RAB8A: variants seen among roughly 807,000 people sequenced by gnomAD.
RAB8A encodes the protein ras-related protein Rab-8A.
A neutral mutation model predicts 29.2 loss-of-function variants in RAB8A; 5 were observed. That is an observed-to-expected ratio of 0.17 (90% confidence interval 0.09 to 0.36). RAB8A has a LOEUF of 0.36. RAB8A is among the 10% of genes least tolerant of loss of function. The pLI, the probability that RAB8A is intolerant of heterozygous loss-of-function variation, is 1.00. For missense variants in RAB8A, 171 were observed against 272.2 expected (o/e 0.63, Z 2.62); for synonymous variants, 108 against 99.9 (o/e 1.08, Z -0.49).
intron 7 of RAB8A, among the ~76,000 whole-genome samples, 200 bp downstream of exon 7, chr19:16,129,804 C>A (rs1259851206): frequency 6.6e-6 from 1 of 152,148 alleles, no homozygotes; most frequent in African/African-American, 2.4e-5. Context: ...GGGACGCTGC[C>A]CAAGCAGACA....
intron 1 of RAB8A, among the ~76,000 whole-genome samples, chr19:16,113,629 T>C (rs1214857986): frequency 6.6e-6 from 1 of 152,208 alleles, no homozygotes; most frequent in East Asian, 1.9e-4. Context: ...CTCGAACTCC[T>C]GACCTTGTGA....
chr19:16,121,882 A>T, intron 3 of RAB8A, 72 bp downstream of exon 3: 1 of 1,435,414 alleles, frequency 7.0e-7, no homozygotes, highest in South Asian at 1.2e-5. Context: ...TGCATTGGTT[A>T]CCGAAGCCTA....
At position 16,125,175 on chromosome 19, in the gene RAB8A, A is replaced by G; in HGVS notation, c.247-295A>G. 2.0e-6 allele frequency: 1 copy of G among 497,672 alleles called. No homozygotes were observed. 30.8% of individuals were successfully genotyped at this position (497,672 alleles called of 1,614,324 possible). A position where few individuals can be genotyped will look rare whatever the true frequency, so the allele number is the denominator to read the frequency against. ...CACCCCGTGGGCCATGAGGGGAGCC[A>G]GCCGGGCTTGTCAGCGAGTGCGTGG... On this transcript the variant is annotated intron_variant, in intron 3 of 7. Transcript: ENST00000300935. This position sits in a 1 kb window ranked among gnomAD's most constrained non-coding sequence, Gnocchi z 5.0.
At chr19:16,124,717 C>CG (rs992445200) in intron 3 of RAB8A, 7 of 134,386 alleles carry the variant, frequency 5.2e-5, no homozygotes, top group Non-Finnish European at 1.1e-4. Context: ...GTTAGCCCCC[C>CG]CCCGCCCCCC....
Position 16,121,411 on chromosome 19 carries a change from C to T in RAB8A, c.186-339C>T, listed in dbSNP as rs140398998. On this transcript the variant is annotated intron_variant, in intron 2 of 7. Transcript: ENST00000300935. The stretch of plus-strand genomic sequence containing the variant: ...CTGAAAGCTTTTCCTGAGTCCCAGC[C>T]ACCCTCAACAGCAAGAGCTATGTTC... Among the ~76,000 whole-genome samples the T allele has an allele frequency of 1.1e-4, 16 of 152,248 alleles. No homozygotes were observed. The East Asian group carries it at 2.7e-3, about 26-fold the overall frequency.
rs762895608 is a variant in RAB8A at position 16,125,523 on chromosome 19, G to A, written c.300G>A (p.Arg100=). Residue 100 remains arginine (R), a synonymous_variant, in exon 4 of 8, where the codon CGG becomes CGA. Coordinates refer to ENST00000300935, the MANE Select transcript of RAB8A (RefSeq NM_005370.5). The surrounding 1 kb of genome is among the most constrained non-coding windows in gnomAD (Gnocchi z 5.0). ...ACGAGAAGTCCTTCGACAACATCCG[G>A]AACTGGATTCGCAACATTGAGGAGG... is the stretch of plus-strand genomic sequence containing the variant. ...ITNEKSFDNI[R]NWIRNIEEHA... 3.7e-6 allele frequency: 6 copies of A among 1,614,072 alleles called. No individual in the cohort carries two copies. Among genetic ancestry groups the A allele is most frequent in the Admixed American group, 1.7e-5 (1 of 60,016 alleles).
rs1450805719 is a variant in RAB8A at position 16,132,367 on chromosome 19, C to T, written c.*63C>T. 1 of 1,515,378 alleles carries T rather than the reference C, an allele frequency of 6.6e-7. No homozygotes were observed. The highest frequency in any genetic ancestry group is 9.0e-7 in the Non-Finnish European group (1 of 1,105,888). 93.9% of individuals were successfully genotyped at this position (1,515,378 alleles called of 1,614,324 possible). A position where few individuals can be genotyped will look rare whatever the true frequency, so the allele number is the denominator to read the frequency against. On this transcript the variant is annotated 3_prime_UTR_variant, in exon 8 of 8. Coordinates refer to ENST00000300935, the MANE Select transcript of RAB8A (RefSeq NM_005370.5). This position sits in a 1 kb window ranked among gnomAD's most constrained non-coding sequence, Gnocchi z 5.6. ...TGACTGTGCCTGTTCTGAGTGAGCC[C>T]CTCACTCAGCCGGGGCCCTCCCACC...
intron 1 of RAB8A, chr19:16,112,358 T>C (rs1180068748): frequency 1.1e-5 from 3 of 284,528 alleles, no homozygotes; most frequent in Admixed American, 4.8e-5. Context: ...TTTGAGGCTC[T>C]TGCCTTACAG....
At chr19:16,117,783 T>C (rs1365569361) in intron 1 of RAB8A, among the ~76,000 whole-genome samples, 1 of 151,994 alleles carries the variant, frequency 6.6e-6, no homozygotes, top group Non-Finnish European at 1.5e-5. Flanking sequence ...ATGAATAGCA[T>C]GTACAAAAGC....
At chr19:16,120,696 C>T (rs886156111) in intron 2 of RAB8A, among the ~76,000 whole-genome samples, 9 of 151,716 alleles carry the variant, frequency 5.9e-5, no homozygotes, top group African/African-American at 2.2e-4. Context: ...CTGCAACCTC[C>T]ACCTCCCAGG....
chr19:16,128,065 G>A lies in RAB8A; in HGVS notation c.454G>A (p.Ala152Thr), dbSNP rs1164220285. Residue 152 changes from alanine to threonine, a missense_variant, in exon 6 of 8, where the codon GCG (alanine) becomes ACG (threonine). This residue lies in a region of RAB8A where 145 missense variants were observed against 212.8 expected (regional missense o/e 0.68). Transcript: ENST00000300935. Reference sequence around the variant, plus strand: ...TGGAATCAAGTTCATGGAGACCAGCGCGAAGGCCAACATCAATGTGGAAAA... The same window carrying A: ...TGGAATCAAGTTCATGGAGACCAGCACGAAGGCCAACATCAATGTGGAAAA... Reference protein sequence around the residue: ...DYGIKFMETSAKANINVENAF... With the variant: ...DYGIKFMETSTKANINVENAF... 6.2e-7 allele frequency: 1 copy of A among 1,614,130 alleles called. No homozygotes were observed. The highest frequency in any genetic ancestry group is 1.7e-5 in the Admixed American group (1 of 60,014).
Position 16,125,799 on chromosome 19 carries a change from CATGGTTATAAGAGA to C in RAB8A, c.324+254_324+267del, listed in dbSNP as rs2144993292. ...CTAGGCTGTTGGATCTGGCCAGTGT[CATGGTTATAAGAGA>C]AAGGATATCCAAGCTTGTGGTCACC... On this transcript the variant is annotated intron_variant, in intron 4 of 7. Coordinates refer to ENST00000300935, the MANE Select transcript of RAB8A (RefSeq NM_005370.5). This position sits in a 1 kb window ranked among gnomAD's most constrained non-coding sequence, Gnocchi z 5.0. 1.6e-6 allele frequency: 1 copy of C among 623,714 alleles called. No homozygotes were observed. The highest frequency in any genetic ancestry group is 1.8e-5 in the African/African-American group (1 of 55,274). 38.6% of individuals were successfully genotyped at this position (623,714 alleles called of 1,614,324 possible).
At position 16,125,419 on chromosome 19, in the gene RAB8A, C is replaced by T. The variant is rs764352079; in HGVS notation, c.247-51C>T. ...GTTCTCTGGTGCCGCTGAGGCCTCC[C>T]TTCCAGAGCCTGCAGCCGATCAGGC... On this transcript the variant is annotated intron_variant, in intron 3 of 7. Transcript: ENST00000300935. This position sits in a 1 kb window ranked among gnomAD's most constrained non-coding sequence, Gnocchi z 5.0. 17 of 1,537,386 alleles carry T rather than the reference C, an allele frequency of 1.1e-5. No homozygotes were observed. The highest frequency in any genetic ancestry group is 2.3e-5 in the East Asian group (1 of 43,968).
rs933292905 is a variant in RAB8A at position 16,122,340 on chromosome 19, G to A, written c.246+530G>A. 1.3e-5 allele frequency among the ~76,000 whole-genome samples: 2 copies of A among 152,178 alleles called. No individual in the cohort carries two copies. The highest frequency in any genetic ancestry group is 2.9e-5 in the Non-Finnish European group (2 of 68,040). ...CAGGCCTTAACTAGATGCAGAAGGCGGCCAGGGATGGGACGAGGTCCTGTG... is the reference window on the plus strand; with the variant it reads ...CAGGCCTTAACTAGATGCAGAAGGCAGCCAGGGATGGGACGAGGTCCTGTG... On this transcript the variant is annotated intron_variant, in intron 3 of 7. Coordinates refer to ENST00000300935, the MANE Select transcript of RAB8A (RefSeq NM_005370.5). The surrounding 1 kb of genome is among the most constrained non-coding windows in gnomAD (Gnocchi z 4.7).
chr19:16,127,632 C>G lies in RAB8A; in HGVS notation c.414+106C>G, dbSNP rs1425171751. 45 of 910,484 alleles carry G rather than the reference C, an allele frequency of 4.9e-5. No individual in the cohort carries two copies. The allele number at this position is 910,484 out of a possible 1,614,324, so 56.4% of individuals were successfully genotyped here. The stretch of plus-strand genomic sequence containing the variant: ...CCCCAGGGGCCTGAGACGAGTTGGT[C>G]ACCCCAGTGGGGCACGTGCCATGGG... On this transcript the variant is annotated intron_variant, in intron 5 of 7. Coordinates refer to ENST00000300935, the MANE Select transcript of RAB8A (RefSeq NM_005370.5). This position sits in a 1 kb window ranked among gnomAD's most constrained non-coding sequence, Gnocchi z 4.8.
rs774443910 is a variant in RAB8A at position 16,111,934 on chromosome 19, G to T, written c.33G>T (p.Leu11=). 6.2e-7 allele frequency: 1 copy of T among 1,613,938 alleles called. No individual in the cohort carries two copies. Among genetic ancestry groups the T allele is most frequent in the African/African-American group, 1.3e-5 (1 of 74,936 alleles). MAKTYDYLFK[L]LLIGDSGVGK... ...AGACCTACGATTACCTGTTCAAGCTGCTGCTGATCGGGGACTCGGGGGTGG... is the reference window on the plus strand; with the variant it reads ...AGACCTACGATTACCTGTTCAAGCTTCTGCTGATCGGGGACTCGGGGGTGG... Residue 11 remains leucine, a synonymous_variant, in exon 1 of 8, where the codon CTG becomes CTT. Coordinates refer to ENST00000300935, the MANE Select transcript of RAB8A (RefSeq NM_005370.5).
chr19:16,120,701 C>T (rs1025659138), intron 2 of RAB8A, among the ~76,000 whole-genome samples: 1 of 151,618 alleles, frequency 6.6e-6, no homozygotes, highest in Admixed American at 6.6e-5. Flanking sequence ...ACCTCCACCT[C>T]CCAGGTTCAA....
In RAB8A at chr19:16,122,800, T is replaced by C. The variant is rs2090880924; in HGVS notation, c.246+990T>C. ...CTCATGGCAACCCACTCGTGTGGGC[T>C]GCAGCCTTAGTGTGCCTCAGTAAAA... On this transcript the variant is annotated intron_variant, in intron 3 of 7. Coordinates refer to ENST00000300935, the MANE Select transcript of RAB8A (RefSeq NM_005370.5). This position sits in a 1 kb window ranked among gnomAD's most constrained non-coding sequence, Gnocchi z 4.7. Among the ~76,000 whole-genome samples, 1 of 152,188 alleles carries C rather than the reference T, an allele frequency of 6.6e-6. No individual in the cohort carries two copies. The highest frequency in any genetic ancestry group is 1.5e-5 in the Non-Finnish European group (1 of 68,026).
intron 1 of RAB8A, among the ~76,000 whole-genome samples, chr19:16,115,040 G>A (rs758076801): frequency 3.3e-5 from 5 of 152,286 alleles, no homozygotes; most frequent in Admixed American, 6.5e-5. Flanking sequence ...CCCTGTACAC[G>A]TGTGACAGGA....
Sources: allele counts gnomAD v4.1 joint callset (sites outside exome capture counted in the v4.1 genomes callset), GRCh38; gene constraint gnomAD v4.1.1; regional missense constraint gnomAD v4.1.1; non-coding constraint Gnocchi (gnomAD v3.1); transcripts MANE v1.5; gene names NCBI Gene and HGNC (gene_info 2026-07-23, HGNC 2026-07-21).